Variants in BIRC2 observed in about 807,000 individuals in gnomAD.
The protein encoded by BIRC2 is baculoviral IAP repeat containing 2.
A neutral mutation model predicts 60.9 loss-of-function variants in BIRC2; 18 were observed. The ratio of observed to expected loss-of-function variants is 0.30; its 90% CI spans 0.20 to 0.44. BIRC2 has a LOEUF of 0.44. Among genes scored for constraint, BIRC2 ranks in the 20% least tolerant of loss-of-function variants. The pLI is 1.00. For missense variants in BIRC2, 701 were observed against 728.5 expected (o/e 0.96, Z 0.43); for synonymous variants, 282 against 247.7 (o/e 1.14, Z -1.30).
intron 5 of BIRC2, among the ~76,000 whole-genome samples, chr11:102,365,281 C>T (rs1352548017): frequency 6.6e-6 from 1 of 152,168 alleles, no homozygotes; most frequent in Admixed American, 6.5e-5. Flanking sequence ...AATTTTTCCA[C>T]CTCTCCTGAA....
chr11:102,359,523 C>A (rs909002587), intron 3 of BIRC2, among the ~76,000 whole-genome samples: 1 of 152,144 alleles, frequency 6.6e-6, no homozygotes, highest in African/African-American at 2.4e-5. Context: ...TTGTAAGGCG[C>A]GTCCAGTGGT....
At chr11:102,366,121 A>G (rs894625526) in intron 5 of BIRC2, among the ~76,000 whole-genome samples, 7 of 152,152 alleles carry the variant, frequency 4.6e-5, no homozygotes, top group South Asian at 2.1e-4. Context: ...TGTAACAGAC[A>G]TTGTAGAGTT....
Position 102,362,917 on chromosome 11 carries a change from G to A in BIRC2, c.1017G>A (p.Met339Ile). The A allele has an allele frequency of 6.2e-7, 1 of 1,612,946 alleles. No homozygotes were observed. The highest frequency in any genetic ancestry group is 8.5e-7 in the Non-Finnish European group (1 of 1,179,336). ...WFPRCEFLIR[M>I]KGQEFVDEIQ... ...TTAGGTGTGAGTTCTTGATACGAAT[G>A]AAAGGCCAAGAGTTTGTTGATGAGA... Residue 339 changes from methionine (M) to isoleucine (I), a missense_variant, in exon 4 of 9, where the codon ATG becomes ATA. Around this residue, in one of 4 missense-constraint regions of BIRC2, gnomAD observed 39 missense variants for 69.8 expected, o/e 0.56. Transcript: ENST00000227758.
intron 6 of BIRC2, 144 bp from the exon 7 acceptor site, chr11:102,377,352 T>G (rs943370463): frequency 1.4e-6 from 1 of 714,222 alleles, no homozygotes; most frequent in Non-Finnish European, 2.1e-6. Flanking sequence ...AACAACAAAC[T>G]TACAAATGCA....
At chr11:102,375,545 C>T (rs1565339685) in intron 6 of BIRC2, among the ~76,000 whole-genome samples, 1 of 152,090 alleles carries the variant, frequency 6.6e-6, no homozygotes, top group East Asian at 1.9e-4. Context: ...CTTTGGGAGG[C>T]CAAGACGGGC....
intron 6 of BIRC2, among the ~76,000 whole-genome samples, chr11:102,375,779 CAAAAA>C (rs1278393063): frequency 1.3e-5 from 1 of 74,708 alleles, no homozygotes; most frequent in Non-Finnish European, 2.7e-5. Context: ...GACTCCATCT[CAAAAA>C]AAAAAAAAAA....
Position 102,378,213 on chromosome 11 carries a change from A to T in BIRC2, c.*30A>T. ...AAATAGTCTATATTTTAACCTGCATAAAAAGGTCTTTAAAATATTGTTGAA... is the reference window on the plus strand; with the variant it reads ...AAATAGTCTATATTTTAACCTGCATTAAAAGGTCTTTAAAATATTGTTGAA... On this transcript the variant is annotated 3_prime_UTR_variant, in exon 9 of 9. Transcript: ENST00000227758. The T allele has an allele frequency of 6.7e-7, 1 of 1,501,542 alleles. No individual in the cohort carries two copies. Among genetic ancestry groups the T allele is most frequent in the Non-Finnish European group, 8.9e-7 (1 of 1,121,372 alleles). 93.0% of individuals were successfully genotyped at this position (1,501,542 alleles called of 1,614,324 possible). A position where few individuals can be genotyped will look rare whatever the true frequency, so the allele number is the denominator to read the frequency against.
At chr11:102,351,699 T>G (rs1207701002) in intron 3 of BIRC2, among the ~76,000 whole-genome samples, 1 of 151,660 alleles carries the variant, frequency 6.6e-6, no homozygotes, top group East Asian at 1.9e-4. Flanking sequence ...TCTGTACAAT[T>G]TTTTTTTGTC....
At chr11:102,355,594 A>G (rs916794385) in intron 3 of BIRC2, among the ~76,000 whole-genome samples, 3 of 152,042 alleles carry the variant, frequency 2.0e-5, no homozygotes, top group African/African-American at 7.2e-5. Context: ...TGCTTAGGCT[A>G]TTCTGGGCCT....
chr11:102,351,614 CAAAAAAAAAAAAAAA>C (rs768269523), intron 3 of BIRC2, among the ~76,000 whole-genome samples: 52 of 68,612 alleles, frequency 7.6e-4, no homozygotes, highest in African/African-American at 2.8e-3. Flanking sequence ...GACTCTGTCT[CAAAAAAAAAAAAAAA>C]AAAAAAAAGA....
In BIRC2 at chr11:102,378,344, TATC is replaced by T; in HGVS notation, c.*164_*166del. 2 of 566,030 alleles carry T rather than the reference TATC, an allele frequency of 3.5e-6. No homozygotes were observed. The highest frequency in any genetic ancestry group is 6.1e-5 in the East Asian group (2 of 32,762). The allele number at this position is 566,030 out of a possible 1,614,324, so 35.1% of individuals were successfully genotyped here. On this transcript the variant is annotated 3_prime_UTR_variant, in exon 9 of 9. Transcript: ENST00000227758. Reference sequence around the variant, plus strand: ...AATAATCTTGTTTCTGAAAAGATGGTATCATATATTTAATCTTAATCTGTTTAT... The same window carrying T: ...AATAATCTTGTTTCTGAAAAGATGGTATATATTTAATCTTAATCTGTTTAT...
chr11:102,368,069 A>T (rs1309837678), intron 5 of BIRC2, among the ~76,000 whole-genome samples: 1 of 152,254 alleles, frequency 6.6e-6, no homozygotes, highest in Non-Finnish European at 1.5e-5. Context: ...TTCATTAAGT[A>T]AGTCTAGGAT....
In BIRC2 at chr11:102,377,682, A is replaced by G. The variant is rs375392744; in HGVS notation, c.1553A>G (p.Asn518Ser). The G allele has an allele frequency of 3.7e-6, 6 of 1,611,466 alleles. No homozygotes were observed. In the African/African-American group the frequency reaches 6.7e-5, roughly 18 times the overall value. Residue 518 changes from asparagine to serine, a missense_variant, in exon 7 of 9, where the codon AAT becomes AGT. This residue lies in a region of BIRC2 where 235 missense variants were observed against 208.9 expected (regional missense o/e 1.12). Coordinates refer to ENST00000227758, the MANE Select transcript of BIRC2 (RefSeq NM_001166.5). Reference protein sequence around the residue: ...ELIDTILVKGNAAANIFKNCL... With the variant: ...ELIDTILVKGSAAANIFKNCL... ...ATTGATACCATTTTGGTTAAAGGAA[A>G]TGCTGCGGCCAACATCTTCAAAAAC...
At position 102,350,060 on chromosome 11, in the gene BIRC2, G is replaced by A. The variant is rs1268013065; in HGVS notation, c.206G>A (p.Arg69His). The stretch of plus-strand genomic sequence containing the variant: ...CCTGTCTCAGAAAGGAGTCTTGCTC[G>A]TGCTGGTTTTTATTATACTGGTGTG... Reference protein sequence around the residue: ...GVPVSERSLARAGFYYTGVND... With the variant: ...GVPVSERSLAHAGFYYTGVND... The change falls in exon 2 of 9, where the codon CGT becomes CAT. Residue 69 changes from arginine to histidine, a missense_variant. Coordinates refer to ENST00000227758, the MANE Select transcript of BIRC2 (RefSeq NM_001166.5). 20 of 1,614,074 alleles carry A rather than the reference G, an allele frequency of 1.2e-5. No homozygotes were observed. The highest frequency in any genetic ancestry group is 1.6e-5 in the Non-Finnish European group (19 of 1,180,046).
chr11:102,376,613 A>G (rs553195503), intron 6 of BIRC2, among the ~76,000 whole-genome samples: 5 of 152,220 alleles, frequency 3.3e-5, no homozygotes, highest in Non-Finnish European at 7.3e-5. Flanking sequence ...ACCATATTCC[A>G]TAAATATAAA....
intron 3 of BIRC2, among the ~76,000 whole-genome samples, chr11:102,356,316 C>T (rs1951419720): frequency 1.3e-5 from 2 of 151,936 alleles, no homozygotes; most frequent in South Asian, 2.1e-4. Flanking sequence ...CTGCCCCAGC[C>T]TCCCGAGTAG....
At chr11:102,352,474 G>A (rs372212334) in intron 3 of BIRC2, among the ~76,000 whole-genome samples, 35 of 151,458 alleles carry the variant, frequency 2.3e-4, no homozygotes, top group East Asian at 1.4e-3. Flanking sequence ...GCAGTGACAC[G>A]ATCTTGGCTC....
At chr11:102,368,203 C>A in intron 5 of BIRC2, 103 bp from the exon 6 acceptor site, 1 of 1,344,486 alleles carries the variant, frequency 7.4e-7, no homozygotes, top group Non-Finnish European at 1.0e-6. Context: ...ATCTCCTTTA[C>A]CAGAATATGA....
At chr11:102,360,832 G>A (rs1175392068) in intron 3 of BIRC2, among the ~76,000 whole-genome samples, 13 of 151,110 alleles carry the variant, frequency 8.6e-5, no homozygotes, top group African/African-American at 3.2e-4. Context: ...GAGGGTGAGG[G>A]TGAGGGCGCC....
Sources: allele counts gnomAD v4.1 joint callset (sites outside exome capture counted in the v4.1 genomes callset), GRCh38; gene constraint gnomAD v4.1.1; regional missense constraint gnomAD v4.1.1; transcripts MANE v1.5; gene names NCBI Gene and HGNC (gene_info 2026-07-23, HGNC 2026-07-21).